TBL2: variants seen among roughly 807,000 people sequenced by gnomAD.
TBL2 encodes transducin beta like 2.
Under a neutral mutation model 41.8 loss-of-function variants are expected in TBL2, and 33 were observed. The observed-to-expected ratio is 0.79, with a 90% CI of 0.60 to 1.06. TBL2 has a LOEUF of 1.06. Among genes scored for constraint, TBL2 ranks in the 50% least tolerant of loss-of-function variants. The pLI, the probability that TBL2 is intolerant of heterozygous loss-of-function variation, is 0.00. For missense variants in TBL2, 522 were observed against 603.8 expected (o/e 0.86, Z 1.42); for synonymous variants, 239 against 241.7 (o/e 0.99, Z 0.10).
intron 4 of TBL2, 62 bp downstream of exon 4, chr7:73,573,258 G>GA: frequency 6.3e-7 from 1 of 1,595,010 alleles, no homozygotes; most frequent in Non-Finnish European, 8.6e-7. Context: ...ACTCATTGAG[G>GA]AAATAGAACT....
intron 6 of TBL2, 55 bp from the exon 7 acceptor site, chr7:73,571,027 C>G (rs1554587411): frequency 1.3e-6 from 2 of 1,566,756 alleles, no homozygotes; most frequent in African/African-American, 1.4e-5. Context: ...AGGGTAAGCA[C>G]TGGCCCAACT....
intron 3 of TBL2, chr7:73,573,700 G>A: frequency 9.3e-6 from 7 of 754,930 alleles, no homozygotes; most frequent in Non-Finnish European, 1.5e-5. Context: ...AGGCTCATCT[G>A]GAAGCCAGGC....
rs1165455941 is a variant in TBL2 at position 73,569,712 on chromosome 7, C to CA, written c.*794dup. 2 of 152,174 alleles carry CA rather than the reference C, an allele frequency of 1.3e-5. No homozygotes were observed. Among genetic ancestry groups the CA allele is most frequent in the African/African-American group, 4.8e-5 (2 of 41,434 alleles). The allele number at this position is 152,174 out of a possible 1,614,324, so 9.4% of individuals were successfully genotyped here. On this transcript the variant is annotated 3_prime_UTR_variant, in exon 7 of 7. Transcript: ENST00000305632. ...TTTATTTGGGCACAGAGTGGGCACT[C>CA]AAATATCTGATGAACTTGATGAACT...
At chr7:73,575,989 G>A (rs533711404) in intron 1 of TBL2, among the ~76,000 whole-genome samples, 1 of 152,008 alleles carries the variant, frequency 6.6e-6, no homozygotes, top group African/African-American at 2.4e-5. Flanking sequence ...CAGTGATCGT[G>A]CCACTGTATT....
chr7:73,573,254 T>C (rs1295729250), intron 4 of TBL2, 66 bp downstream of exon 4: 45 of 1,588,500 alleles, frequency 2.8e-5, no homozygotes, highest in Non-Finnish European at 3.6e-5. Context: ...ATTAACTCAT[T>C]GAGGAAATAG....
intron 1 of TBL2, chr7:73,574,939 T>C: frequency 6.2e-6 from 2 of 321,702 alleles, no homozygotes; most frequent in Non-Finnish European, 1.2e-5. Flanking sequence ...AGCACCTTCA[T>C]GTAGAGTGGA....
chr7:73,568,431 T>A lies in TBL2; in HGVS notation c.*2076A>T, dbSNP rs1479224792. Among the ~76,000 whole-genome samples, 2 of 152,162 alleles carry A rather than the reference T, an allele frequency of 1.3e-5. No homozygotes were observed. Among genetic ancestry groups the A allele is most frequent in the Admixed American group, 1.3e-4 (2 of 15,278 alleles). On this transcript the variant is annotated 3_prime_UTR_variant, in exon 7 of 7. Coordinates refer to ENST00000305632, the MANE Select transcript of TBL2 (RefSeq NM_012453.4). ...AAGCAATTTCTGCTGGATTCCTGAA[T>A]AAGTAGCAGCCACCCCCCATCCTGC...
intron 1 of TBL2, among the ~76,000 whole-genome samples, chr7:73,576,179 T>C (rs2116004233): frequency 6.7e-6 from 1 of 148,710 alleles, no homozygotes; most frequent in South Asian, 2.2e-4. Flanking sequence ...TCCCAGCGCT[T>C]TGGGAGGCTG....
chr7:73,575,302 T>C (rs1793237038), intron 1 of TBL2, among the ~76,000 whole-genome samples: 1 of 150,720 alleles, frequency 6.6e-6, no homozygotes, highest in Non-Finnish European at 1.5e-5. Context: ...ATTTTTTTTT[T>C]TTTTTTCAGA....
In TBL2 at chr7:73,574,266, C is replaced by A. The variant is rs1159890148; in HGVS notation, c.261+117G>T. On this transcript the variant is annotated intron_variant, in intron 2 of 6. Coordinates refer to ENST00000305632, the MANE Select transcript of TBL2 (RefSeq NM_012453.4). ...TGCGATGAGAGGGGACAGAATTAAG[C>A]ACCCCCGCTGATTCTGATCAGAGGC... The A allele has an allele frequency of 3.3e-6, 5 of 1,522,444 alleles. No individual in the cohort carries two copies. The African/African-American group carries it at 5.5e-5, about 17-fold the overall frequency. The allele number at this position is 1,522,444 out of a possible 1,614,324, so 94.3% of individuals were successfully genotyped here. A position where few individuals can be genotyped will look rare whatever the true frequency, so the allele number is the denominator to read the frequency against.
rs1792706552 is a variant in TBL2, at chr7:73,567,777, T to C, written c.*2730A>G. On this transcript the variant is annotated 3_prime_UTR_variant, in exon 7 of 7. Coordinates refer to ENST00000305632, the MANE Select transcript of TBL2 (RefSeq NM_012453.4). ...GTGGAATGACTTTTTGGTAGTGTTT[T>C]CTCGTCTCACTGAAACACAACATGG... Among the ~76,000 whole-genome samples the C allele has an allele frequency of 6.6e-6, 1 of 152,234 alleles. No individual in the cohort carries two copies. The highest frequency in any genetic ancestry group is 1.9e-4 in the East Asian group (1 of 5,184).
intron 1 of TBL2, chr7:73,576,801 TG>T (rs2116014160): frequency 2.3e-6 from 1 of 431,590 alleles, no homozygotes; most frequent in Non-Finnish European, 4.7e-6. Context: ...AAATGCTGTT[TG>T]GGGACTCCTT....
At position 73,569,767 on chromosome 7, in the gene TBL2, TC is replaced by T. The variant is rs1340442928; in HGVS notation, c.*739del. 4 of 152,138 alleles carry T rather than the reference TC, an allele frequency of 2.6e-5. No homozygotes were observed. Among genetic ancestry groups the T allele is most frequent in the Admixed American group, 6.5e-5 (1 of 15,268 alleles). The allele number at this position is 152,138 out of a possible 1,614,324, so 9.4% of individuals were successfully genotyped here. The stretch of plus-strand genomic sequence containing the variant: ...AGAGGTCTCCTTAAACAAGATATCA[TC>T]TCCCGAAGAGAGAAGTCCCAACCAT... On this transcript the variant is annotated 3_prime_UTR_variant, in exon 7 of 7. Transcript: ENST00000305632.
At position 73,573,298 on chromosome 7, in the gene TBL2, C is replaced by T. The variant is rs782074371; in HGVS notation, c.598+22G>A. 14 of 1,613,156 alleles carry T rather than the reference C, an allele frequency of 8.7e-6. No homozygotes were observed. In the Admixed American group the frequency reaches 2.3e-4, roughly 27 times the overall value. ...CTTTCCTTCATGCTTTGGGCAGGCG[C>T]CACCCTCTGAATGCCTCTTACCTGT... On this transcript the variant is annotated intron_variant, in intron 4 of 6. Transcript: ENST00000305632.
rs1554587116 is a variant in TBL2 at position 73,570,501 on chromosome 7, C to G, written c.*6G>C. The stretch of plus-strand genomic sequence containing the variant: ...CCTCAATCCTCTGCGCCGGGCCCTC[C>G]CAGAGTCACTTCTTCAGGGCACCCA... On this transcript the variant is annotated 3_prime_UTR_variant, in exon 7 of 7. Transcript: ENST00000305632. 4 of 1,530,232 alleles carry G rather than the reference C, an allele frequency of 2.6e-6. No individual in the cohort carries two copies. The highest frequency in any genetic ancestry group is 2.1e-5 in the Admixed American group (1 of 47,464). The allele number at this position is 1,530,232 out of a possible 1,614,324, so 94.8% of individuals were successfully genotyped here. A position where few individuals can be genotyped will look rare whatever the true frequency, so the allele number is the denominator to read the frequency against.
In TBL2 at chr7:73,578,554, G is replaced by T. The variant is rs2116040237; in HGVS notation, c.-5C>A. On this transcript the variant is annotated 5_prime_UTR_variant, in exon 1 of 7. Coordinates refer to ENST00000305632, the MANE Select transcript of TBL2 (RefSeq NM_012453.4). ...CGACATCTGCGAGAGCTCCATGTTG[G>T]TGGAACCACTGCCACCTCAGCTAGT... 6.3e-7 allele frequency: 1 copy of T among 1,588,026 alleles called. No individual in the cohort carries two copies. Among genetic ancestry groups the T allele is most frequent in the Non-Finnish European group, 8.6e-7 (1 of 1,169,282 alleles).
At chr7:73,574,567 C>A (rs1207125861) in intron 1 of TBL2, 54 bp from the exon 2 acceptor site, 3 of 1,612,136 alleles carry the variant, frequency 1.9e-6, no homozygotes, top group Admixed American at 3.3e-5. Context: ...GCATTTACTG[C>A]CCACCTATGA....
chr7:73,571,256 G>T lies in TBL2; in HGVS notation c.811C>A (p.Arg271=). ...GAGTGGCCCTTTAGTTCGAAGGCTC[G>T]CACCACCTCCTGGAACTCCCCCTTC... The part of the protein sequence containing the change: ...GKKGEFQEVV[R]AFELKGHSAA... The change falls in exon 6 of 7, where the codon CGA becomes AGA. Residue 271 remains arginine, a synonymous_variant. Transcript: ENST00000305632. The T allele has an allele frequency of 6.2e-7, 1 of 1,614,166 alleles. No individual in the cohort carries two copies. The highest frequency in any genetic ancestry group is 8.5e-7 in the Non-Finnish European group (1 of 1,180,028).
intron 1 of TBL2, among the ~76,000 whole-genome samples, chr7:73,574,967 G>A (rs782663900): frequency 2.0e-5 from 3 of 152,220 alleles, no homozygotes; most frequent in East Asian, 3.8e-4. Context: ...CACTCTCTGG[G>A]TTGGGTGATG....
Sources: allele counts gnomAD v4.1 joint callset (sites outside exome capture counted in the v4.1 genomes callset), GRCh38; gene constraint gnomAD v4.1.1; transcripts MANE v1.5; gene names NCBI Gene and HGNC (gene_info 2026-07-23, HGNC 2026-07-21).